DPYD: variants seen among roughly 807,000 people sequenced by gnomAD.
DPYD encodes the protein dihydropyrimidine dehydrogenase [NADP(+)].
Under a neutral mutation model 116.2 loss-of-function variants are expected in DPYD, and 109 were observed. The observed-to-expected ratio is 0.94, with a 90% CI of 0.80 to 1.10. The LOEUF (loss-of-function observed/expected upper bound fraction) is 1.10, where lower values mean the gene tolerates loss of function less well. Among genes scored for constraint, DPYD ranks in the 50% least tolerant of loss-of-function variants. The probability of loss-of-function intolerance (pLI) is 0.00; values close to 1 mark genes in which losing one functional copy is unlikely to be tolerated. For synonymous variants in DPYD, 440 were observed against 432.0 expected (o/e 1.02, Z -0.23); for missense variants, 1,302 against 1,254.5 (o/e 1.04, Z -0.57).
In DPYD at chr1:97,203,605, C is replaced by T. The variant is rs544988926; in HGVS notation, c.2443-10357G>A. On this transcript the variant is annotated intron_variant, in intron 19 of 22. Transcript: ENST00000370192. ...TAACTAACCTGCACAAGCACATGTA[C>T]CCTAAAACTTAAAGTATAATAAAAA... 3.9e-3 allele frequency among the ~76,000 whole-genome samples: 567 copies of T among 145,360 alleles called. 3 individuals carry two copies. Among genetic ancestry groups the T allele is most frequent in the Middle Eastern group, 7.0e-3 (2 of 284 alleles).
intron 10 of DPYD, among the ~76,000 whole-genome samples, chr1:97,583,939 T>C (rs1653892911): frequency 6.6e-6 from 1 of 152,190 alleles, no homozygotes; most frequent in South Asian, 2.1e-4. Context: ...AGTAATAGGA[T>C]GGCTGGGTCA....
chr1:97,313,364 T>C (rs1667625822), intron 16 of DPYD, among the ~76,000 whole-genome samples: 1 of 151,946 alleles, frequency 6.6e-6, no homozygotes. Flanking sequence ...AGATATGTAA[T>C]ATGCTATCCC....
At chr1:97,174,678 A>G (rs1253935783) in intron 20 of DPYD, among the ~76,000 whole-genome samples, 1 of 152,166 alleles carries the variant, frequency 6.6e-6, no homozygotes, top group African/African-American at 2.4e-5. Flanking sequence ...TATTTCTTAT[A>G]TGATATATCT....
chr1:97,129,154 TC>T (rs1209449584), intron 20 of DPYD, among the ~76,000 whole-genome samples: 1 of 150,606 alleles, frequency 6.6e-6, no homozygotes, highest in Non-Finnish European at 1.5e-5. Context: ...AACCTCCACC[TC>T]CCAGTTCAAG....
At chr1:97,334,662 T>C (rs184501378) in intron 16 of DPYD, among the ~76,000 whole-genome samples, 53 of 152,338 alleles carry the variant, frequency 3.5e-4, no homozygotes, top group Non-Finnish European at 1.3e-4. Context: ...ACTAAGCCTC[T>C]GCTTTCCTGG....
At chr1:97,683,513 T>C (rs925085252) in intron 7 of DPYD, among the ~76,000 whole-genome samples, 11 of 151,910 alleles carry the variant, frequency 7.2e-5, no homozygotes, top group Non-Finnish European at 1.3e-4. Context: ...ATGACAAATA[T>C]ACATATTTTA....
chr1:97,427,530 C>A (rs1460829607), intron 14 of DPYD, among the ~76,000 whole-genome samples: 1 of 151,958 alleles, frequency 6.6e-6, no homozygotes, highest in African/African-American at 2.4e-5. Flanking sequence ...AAAACTCTTA[C>A]CCTAATCTTC....
At chr1:97,371,478 T>C (rs761177268) in intron 16 of DPYD, among the ~76,000 whole-genome samples, 60 of 152,190 alleles carry the variant, frequency 3.9e-4, no homozygotes, top group South Asian at 8.3e-4. Context: ...GTTCAAGACT[T>C]TGGAACTTAG....
intron 3 of DPYD, among the ~76,000 whole-genome samples, chr1:97,772,692 T>C (rs943999868): frequency 6.6e-6 from 1 of 152,172 alleles, no homozygotes; most frequent in African/African-American, 2.4e-5. Flanking sequence ...ATCTCATACA[T>C]GCTTACAAAT....
Position 97,367,282 on chromosome 1 carries a change from T to TA in DPYD, c.2058+6278_2058+6279insT, listed in dbSNP as rs1172645094. On this transcript the variant is annotated intron_variant, in intron 16 of 22. Transcript: ENST00000370192. ...CAGAAACAAAGCCTCTCTCTTTTTT[T>TA]TAAAAAAAAAAACATACAGTTTTAT... Among the ~76,000 whole-genome samples, 359 of 150,408 alleles carry TA rather than the reference T, an allele frequency of 2.4e-3. 2 individuals carry two copies. Among genetic ancestry groups the TA allele is most frequent in the African/African-American group, 7.0e-3 (286 of 41,044 alleles).
At chr1:97,811,599 TGC>T (rs1668352712) in intron 3 of DPYD, among the ~76,000 whole-genome samples, 1 of 152,108 alleles carries the variant, frequency 6.6e-6, no homozygotes, top group African/African-American at 2.4e-5. Context: ...CTCAGCCCCT[TGC>T]ACATAAAAAA....
At chr1:97,384,109 C>A (rs971714155) in intron 14 of DPYD, among the ~76,000 whole-genome samples, 1 of 151,736 alleles carries the variant, frequency 6.6e-6, no homozygotes, top group African/African-American at 2.4e-5. Flanking sequence ...ATTCTATCTC[C>A]ATAAAATAAA....
At chr1:97,851,654 C>T (rs145162676) in intron 2 of DPYD, among the ~76,000 whole-genome samples, 340 of 151,068 alleles carry the variant, frequency 2.3e-3, no homozygotes, top group African/African-American at 7.8e-3. Flanking sequence ...CCAAACTCAG[C>T]AAATACCAGG....
chr1:97,107,756 C>T (rs1208665921), intron 20 of DPYD, among the ~76,000 whole-genome samples: 2 of 152,088 alleles, frequency 1.3e-5, no homozygotes, highest in Non-Finnish European at 2.9e-5. Context: ...GCCTGATAGA[C>T]TCTGTGCTAT....
intron 11 of DPYD, among the ~76,000 whole-genome samples, chr1:97,562,605 C>T (rs990846295): frequency 6.6e-6 from 1 of 152,156 alleles, no homozygotes; most frequent in Non-Finnish European, 1.5e-5. Context: ...CTGGTTTCCT[C>T]CTCCAACAAT....
intron 20 of DPYD, among the ~76,000 whole-genome samples, chr1:97,192,651 T>C (rs1365870111): frequency 6.6e-6 from 1 of 152,180 alleles, no homozygotes; most frequent in African/African-American, 2.4e-5. Flanking sequence ...CAAAAGATAC[T>C]GATTAGATTT....
rs1570639492 is a variant in DPYD, at chr1:97,192,991, T to C, written c.2622+78A>G. 1.2e-5 allele frequency: 18 copies of C among 1,505,006 alleles called. No homozygotes were observed. The East Asian group carries it at 4.1e-4, about 34-fold the overall frequency. The allele number at this position is 1,505,006 out of a possible 1,614,324, so 93.2% of individuals were successfully genotyped here. Reference sequence around the variant, plus strand: ...ACTGTGTTTCCTTTGTTAGTGAGAATGTGAGATGGTAAATAAGATCTGAAA... The same window carrying C: ...ACTGTGTTTCCTTTGTTAGTGAGAACGTGAGATGGTAAATAAGATCTGAAA... On this transcript the variant is annotated intron_variant, in intron 20 of 22. Transcript: ENST00000370192.
chr1:97,790,338 G>A (rs1028010477), intron 3 of DPYD, among the ~76,000 whole-genome samples: 2 of 152,142 alleles, frequency 1.3e-5, no homozygotes, highest in African/African-American at 4.8e-5. Context: ...AGAAAGAGAG[G>A]AATGATACTA....
intron 14 of DPYD, among the ~76,000 whole-genome samples, chr1:97,403,700 T>C (rs914722435): frequency 6.6e-6 from 1 of 152,076 alleles, no homozygotes; most frequent in Non-Finnish European, 1.5e-5. Flanking sequence ...TCTCTTTTTA[T>C]TCATTAGCCT....
Sources: gnomAD v4.1 joint callset for allele counts (sites outside exome capture counted in the v4.1 genomes callset) on GRCh38, gnomAD v4.1.1 for gene constraint, MANE v1.5 for transcripts, NCBI Gene and HGNC (gene_info 2026-07-23, HGNC 2026-07-21) for gene names.